Variants in ZNF200 observed in about 807,000 individuals in gnomAD.
ZNF200 encodes zinc finger protein 200.
ZNF200 carries 35 observed loss-of-function variants against 33.6 expected under a neutral mutation model. That is an observed-to-expected ratio of 1.04 (90% CI 0.80 to 1.38). The LOEUF (loss-of-function observed/expected upper bound fraction) is 1.38. ZNF200 is among the 40% of genes most tolerant of loss of function. The probability of loss-of-function intolerance (pLI) is 0.00; values close to 1 mark genes in which losing one functional copy is unlikely to be tolerated. For missense variants in ZNF200, 592 were observed against 470.6 expected (o/e 1.26, Z -2.39); for synonymous variants, 209 against 167.7 (o/e 1.25, Z -1.90).
At position 3,233,605 on chromosome 16, in the gene ZNF200, G is replaced by C; in HGVS notation, c.151C>G (p.Leu51Val). ...AGGCTTGGCTTGGGCAAGAAGGTGA[G>C]GAAGTGCTCCAGCACTAGCTGGTGG... ...TIHQLVLEHFLTFLPKPSLVQ... is the reference protein window; with the variant it reads ...TIHQLVLEHFVTFLPKPSLVQ... The change falls in exon 2 of 5, where the codon CTC becomes GTC. Residue 51 changes from leucine (L) to valine (V), a missense_variant. Leu to Val is a conservative substitution (Grantham distance 32, BLOSUM62 1). Coordinates refer to ENST00000414144, the MANE Select transcript of ZNF200 (RefSeq NM_198088.3). The C allele has an allele frequency of 6.2e-7, 1 of 1,613,766 alleles. No individual in the cohort carries two copies. The highest frequency in any genetic ancestry group is 1.1e-5 in the South Asian group (1 of 91,050).
intron 4 of ZNF200, among the ~76,000 whole-genome samples, chr16:3,231,786 C>T (rs982274037): frequency 2.0e-5 from 3 of 152,172 alleles, no homozygotes; most frequent in East Asian, 1.9e-4. Flanking sequence ...TCCCTGAGTC[C>T]GAATCCCTGT....
intron 4 of ZNF200, among the ~76,000 whole-genome samples, chr16:3,229,166 T>C (rs1004327809): frequency 9.2e-5 from 14 of 151,578 alleles, no homozygotes; most frequent in Admixed American, 7.3e-4. Context: ...TTTTATATAA[T>C]GAATTTGAGC....
At chr16:3,228,414 T>G (rs1958533420) in intron 4 of ZNF200, among the ~76,000 whole-genome samples, 1 of 151,868 alleles carries the variant, frequency 6.6e-6, no homozygotes, top group Non-Finnish European at 1.5e-5. Flanking sequence ...GTCAAGTATC[T>G]TTTCAGTAAC....
Position 3,233,810 on chromosome 16 carries a change from C to G in ZNF200, c.-55G>C, listed in dbSNP as rs746647492. 2.0e-5 allele frequency: 31 copies of G among 1,539,964 alleles called. No individual in the cohort carries two copies. The highest frequency in any genetic ancestry group is 2.7e-5 in the Non-Finnish European group (31 of 1,144,148). ...GCGGGGCCTCCAGAGCCACCTCTTACTAGAGGAAATCTGCCAGAGAGCCAA... is the reference window on the plus strand; with the variant it reads ...GCGGGGCCTCCAGAGCCACCTCTTAGTAGAGGAAATCTGCCAGAGAGCCAA... On this transcript the variant is annotated 5_prime_UTR_variant, in exon 2 of 5. Coordinates refer to ENST00000414144, the MANE Select transcript of ZNF200 (RefSeq NM_198088.3).
chr16:3,224,603 G>T lies in ZNF200; in HGVS notation c.477C>A (p.Gly159=). The T allele has an allele frequency of 6.9e-6, 11 of 1,588,874 alleles. No homozygotes were observed. Among genetic ancestry groups the T allele is most frequent in the Non-Finnish European group, 9.4e-6 (11 of 1,166,494 alleles). ...CAGGATCTTCACCTTCAGGATTACTGCCATTGACTGCTGAAACAAAGAGAG... is the reference window on the plus strand; with the variant it reads ...CAGGATCTTCACCTTCAGGATTACTTCCATTGACTGCTGAAACAAAGAGAG... ...VGEMMLLAVN[G]SNPEGEDPER... The change falls in exon 5 of 5, where the codon GGC becomes GGA. Residue 159 remains glycine, a synonymous_variant. Transcript: ENST00000414144.
At chr16:3,230,112 CTCTT>C (rs1958596444) in intron 4 of ZNF200, among the ~76,000 whole-genome samples, 1 of 152,202 alleles carries the variant, frequency 6.6e-6, no homozygotes, top group South Asian at 2.1e-4. Context: ...CCTTCCTACT[CTCTT>C]TCTTCCTCTC....
At position 3,223,568 on chromosome 16, in the gene ZNF200, T is replaced by C; in HGVS notation, c.*324A>G. The C allele has an allele frequency of 4.5e-6, 1 of 224,252 alleles. No homozygotes were observed. Among genetic ancestry groups the C allele is most frequent in the Non-Finnish European group, 8.7e-6 (1 of 115,446 alleles). The allele number at this position is 224,252 out of a possible 1,614,324, so 13.9% of individuals were successfully genotyped here. A position where few individuals can be genotyped will look rare whatever the true frequency, so the allele number is the denominator to read the frequency against. ...CTTTCAATAGACACAAGTCACTCTTTGCCTTCCAAGTAAGCAGACTCCAGA... is the reference window on the plus strand; with the variant it reads ...CTTTCAATAGACACAAGTCACTCTTCGCCTTCCAAGTAAGCAGACTCCAGA... On this transcript the variant is annotated 3_prime_UTR_variant, in exon 5 of 5. Coordinates refer to ENST00000414144, the MANE Select transcript of ZNF200 (RefSeq NM_198088.3).
intron 4 of ZNF200, chr16:3,227,736 T>A (rs1042512074): frequency 6.6e-6 from 1 of 152,222 alleles, no homozygotes; most frequent in Admixed American, 6.5e-5. Flanking sequence ...TTGCCATGAT[T>A]TTAAGTTTCT....
At chr16:3,230,632 C>T (rs1265841705) in intron 4 of ZNF200, among the ~76,000 whole-genome samples, 1 of 152,176 alleles carries the variant, frequency 6.6e-6, no homozygotes, top group East Asian at 1.9e-4. Context: ...AAGGACTGTT[C>T]TTTGATTCCT....
chr16:3,232,483 G>C lies in ZNF200; in HGVS notation c.404C>G (p.Pro135Arg), dbSNP rs1250328289. The C allele has an allele frequency of 1.9e-6, 3 of 1,613,952 alleles. No individual in the cohort carries two copies. The highest frequency in any genetic ancestry group is 1.3e-5 in the African/African-American group (1 of 74,902). ...CTTCTCTGACGTGAGTTGTTGAGTAGGATCCAAGCTCACACATTCTTCCTG... is the reference window on the plus strand; with the variant it reads ...CTTCTCTGACGTGAGTTGTTGAGTACGATCCAAGCTCACACATTCTTCCTG... ...HCQEECVSLD[P>R]TQQLTSEKED... The change falls in exon 4 of 5, where the codon CCT (proline) becomes CGT (arginine). Residue 135 changes from proline (P) to arginine (R), a missense_variant. Pro to Arg is a moderately radical substitution (Grantham distance 103). Transcript: ENST00000414144.
intron 4 of ZNF200, 119 bp from the exon 5 acceptor site, chr16:3,224,732 A>G (rs1277438904): frequency 1.0e-5 from 13 of 1,303,194 alleles, no homozygotes; most frequent in South Asian, 6.0e-5. Context: ...AGTGGCGGAT[A>G]CTGCCGTCGC....
chr16:3,233,908 G>C, intron 1 of ZNF200, 72 bp from the exon 2 acceptor site: 1 of 1,278,024 alleles, frequency 7.8e-7, no homozygotes, highest in Non-Finnish European at 1.1e-6. Flanking sequence ...ATGTGGCATG[G>C]CTGGTGAGGC....
intron 4 of ZNF200, chr16:3,227,338 G>C (rs147837357): frequency 6.6e-6 from 1 of 152,240 alleles, no homozygotes; most frequent in African/African-American, 2.4e-5. Context: ...GGTTATAAAG[G>C]AATCACTCAT....
chr16:3,229,339 G>C (rs903414353), intron 4 of ZNF200, among the ~76,000 whole-genome samples: 2 of 151,810 alleles, frequency 1.3e-5, no homozygotes, highest in Non-Finnish European at 2.9e-5. Flanking sequence ...GAATAATAAA[G>C]CCTCTGATTC....
intron 4 of ZNF200, among the ~76,000 whole-genome samples, chr16:3,230,528 C>A (rs768765026): frequency 6.6e-6 from 1 of 152,172 alleles, no homozygotes; most frequent in Admixed American, 6.5e-5. Flanking sequence ...TAAGAATTAT[C>A]TTACTGAAAA....
At chr16:3,234,606 G>A (rs547049037) in intron 1 of ZNF200, 1 of 152,474 alleles carries the variant, frequency 6.6e-6, no homozygotes, top group South Asian at 2.1e-4. Flanking sequence ...CCTAAAAGCA[G>A]GTTGGTCACT....
Position 3,224,011 on chromosome 16 carries a change from T to A in ZNF200, c.1069A>T (p.Ser357Cys). ...CCATATGGTCTCTCAGCCTCATGAC[T>A]CTGCAGATGAAGCACAAACTCCTCA... ...KNEEFVLHLQ[S>C]HEAERPYGCK... Residue 357 changes from serine to cysteine, a missense_variant, in exon 5 of 5, where the codon AGT becomes TGT. Coordinates refer to ENST00000414144, the MANE Select transcript of ZNF200 (RefSeq NM_198088.3). The A allele has an allele frequency of 6.2e-7, 1 of 1,614,180 alleles. No homozygotes were observed. The highest frequency in any genetic ancestry group is 8.5e-7 in the Non-Finnish European group (1 of 1,180,042).
Position 3,224,361 on chromosome 16 carries a change from A to G in ZNF200, c.719T>C (p.Ile240Thr), listed in dbSNP as rs764420030. Reference sequence around the variant, plus strand: ...TGTCCTCCGATTTCGAGTAAGGGCAATAATACTGATGTCTACATATTTTGA... The same window carrying G: ...TGTCCTCCGATTTCGAGTAAGGGCAGTAATACTGATGTCTACATATTTTGA... ...ELSKYVDISIIALTRNRRTRR... is the reference protein window; with the variant it reads ...ELSKYVDISITALTRNRRTRR... Residue 240 changes from isoleucine to threonine, a missense_variant, in exon 5 of 5, where the codon ATT (isoleucine) becomes ACT (threonine). Ile to Thr is a moderately conservative substitution (Grantham distance 89). Coordinates refer to ENST00000414144, the MANE Select transcript of ZNF200 (RefSeq NM_198088.3). 35 of 1,614,110 alleles carry G rather than the reference A, an allele frequency of 2.2e-5. No homozygotes were observed. Among genetic ancestry groups the G allele is most frequent in the Non-Finnish European group, 2.7e-5 (32 of 1,180,056 alleles).
chr16:3,232,416 C>T lies in ZNF200; in HGVS notation c.466+5G>A, dbSNP rs764855028. On this transcript the variant is annotated splice_donor_5th_base_variant and intron_variant, in intron 4 of 4. Transcript: ENST00000414144. ...CCTGAACACACAAAGGCTGTGATTT[C>T]TTACCCAGTAACATCATTTCCCCGA... is the stretch of plus-strand genomic sequence containing the variant. The T allele has an allele frequency of 6.2e-7, 1 of 1,613,162 alleles. No homozygotes were observed. Among genetic ancestry groups the T allele is most frequent in the South Asian group, 1.1e-5 (1 of 90,980 alleles).
Sources: gnomAD v4.1 joint callset for allele counts (sites outside exome capture counted in the v4.1 genomes callset) on GRCh38, gnomAD v4.1.1 for gene constraint, MANE v1.5 for transcripts, NCBI Gene and HGNC (gene_info 2026-07-23, HGNC 2026-07-21) for gene names.